The following USO1 variants were observed in gnomAD, a reference collection of about 807,000 sequenced individuals.
The protein encoded by USO1 is USO1 vesicle transport factor.
USO1 carries 57 observed loss-of-function variants against 124.5 expected under a neutral mutation model. The ratio of observed to expected loss-of-function variants is 0.46; its 90% CI spans 0.37 to 0.57. USO1 has a LOEUF of 0.57. Among genes scored for constraint, USO1 ranks in the 20% least tolerant of loss-of-function variants. The pLI is 0.00. For missense variants in USO1, 900 were observed against 1,040.6 expected (o/e 0.86, Z 1.86); for synonymous variants, 369 against 362.8 (o/e 1.02, Z -0.19).
Position 75,800,485 on chromosome 4 carries a change from A to G in USO1, c.1682+16A>G. 3.2e-6 allele frequency: 5 copies of G among 1,547,392 alleles called. No individual in the cohort carries two copies. Among genetic ancestry groups the G allele is most frequent in the East Asian group, 4.7e-5 (2 of 42,456 alleles). ...GCTACATGAAGTAAGTAAGGGGAAG[A>G]TGGTTTTCTAATGGCATCAAGAGAT... is the stretch of plus-strand genomic sequence containing the variant. On this transcript the variant is annotated intron_variant, in intron 15 of 23. Coordinates refer to ENST00000514213, the MANE Select transcript of USO1 (RefSeq NM_003715.4).
At chr4:75,758,538 G>A (rs1321821405) in intron 4 of USO1, among the ~76,000 whole-genome samples, 1 of 152,244 alleles carries the variant, frequency 6.6e-6, no homozygotes, top group East Asian at 1.9e-4. Flanking sequence ...ATCTGAAACT[G>A]GATCATGTTG....
At chr4:75,800,136 CAT>C (rs777693403) in intron 14 of USO1, among the ~76,000 whole-genome samples, 2 of 151,916 alleles carry the variant, frequency 1.3e-5, no homozygotes, top group Non-Finnish European at 2.9e-5. Context: ...TTAGTAGAGA[CAT>C]GTTGGCCAGG....
chr4:75,813,155 A>C, intron 23 of USO1, 51 bp from the exon 24 acceptor site: 2 of 1,560,206 alleles, frequency 1.3e-6, no homozygotes, highest in Non-Finnish European at 1.7e-6. Flanking sequence ...TTAAATGTTG[A>C]ATGTGACATG....
At position 75,813,781 on chromosome 4, in the gene USO1, A is replaced by G. The variant is rs1179151540; in HGVS notation, c.*486A>G. On this transcript the variant is annotated 3_prime_UTR_variant, in exon 24 of 24. Coordinates refer to ENST00000514213, the MANE Select transcript of USO1 (RefSeq NM_003715.4). ...CCTGGGTTGGGAGTTAGTGCATATC[A>G]TCAGCCCTCCATCTAATGTGATTGC... The G allele has an allele frequency of 1.3e-5, 2 of 152,608 alleles. No individual in the cohort carries two copies. The highest frequency in any genetic ancestry group is 2.4e-5 in the African/African-American group (1 of 41,422). The allele number at this position is 152,608 out of a possible 1,614,324, so 9.5% of individuals were successfully genotyped here.
At chr4:75,802,094 T>C (rs923312221) in intron 17 of USO1, among the ~76,000 whole-genome samples, 1 of 152,204 alleles carries the variant, frequency 6.6e-6, no homozygotes, top group Admixed American at 6.5e-5. Flanking sequence ...AATGCTGGGA[T>C]TATAGGCATA....
At chr4:75,754,498 G>T (rs1577938426) in intron 3 of USO1, among the ~76,000 whole-genome samples, 1 of 152,298 alleles carries the variant, frequency 6.6e-6, no homozygotes, top group East Asian at 1.9e-4. Flanking sequence ...GCTGTGCATT[G>T]TACATTTCTA....
At chr4:75,805,443 A>C in intron 19 of USO1, 140 bp downstream of exon 19, 1 of 1,261,628 alleles carries the variant, frequency 7.9e-7, no homozygotes, top group Non-Finnish European at 1.0e-6. Context: ...ACAGTGGCTT[A>C]CGCCTGTAAT....
chr4:75,790,112 T>C, intron 10 of USO1, 38 bp from the exon 11 acceptor site: 1 of 1,500,604 alleles, frequency 6.7e-7, no homozygotes, highest in Non-Finnish European at 8.9e-7. Flanking sequence ...CTTGACTTAA[T>C]TTCTCTAAAT....
chr4:75,807,505 A>G (rs1323463918), intron 20 of USO1, among the ~76,000 whole-genome samples: 1 of 152,160 alleles, frequency 6.6e-6, no homozygotes, highest in Non-Finnish European at 1.5e-5. Context: ...GAAATGACTG[A>G]ACATAGAGAA....
chr4:75,734,462 T>G (rs1720730045), intron 1 of USO1, among the ~76,000 whole-genome samples: 1 of 152,034 alleles, frequency 6.6e-6, no homozygotes, highest in Non-Finnish European at 1.5e-5. Flanking sequence ...GTGGCTTTAG[T>G]TTTGGGTTCT....
chr4:75,800,775 A>G lies in USO1; in HGVS notation c.1840A>G (p.Thr614Ala). The G allele has an allele frequency of 6.2e-7, 1 of 1,613,340 alleles. No homozygotes were observed. The highest frequency in any genetic ancestry group is 8.5e-7 in the Non-Finnish European group (1 of 1,179,636). Residue 614 changes from threonine (T) to alanine (A), a missense_variant, in exon 16 of 24, where the codon ACG becomes GCG. Around this residue, in one of 2 missense-constraint regions of USO1, gnomAD observed 538 missense variants for 681.6 expected, o/e 0.79. Transcript: ENST00000514213. Reference protein sequence around the residue: ...PEYMIFDHEFTKLVKELEGVI... With the variant: ...PEYMIFDHEFAKLVKELEGVI... ...ATACATGATATTTGATCATGAGTTTACGAAGCTGGTAAAAGAACTTGAAGG... is the reference window on the plus strand; with the variant it reads ...ATACATGATATTTGATCATGAGTTTGCGAAGCTGGTAAAAGAACTTGAAGG...
At chr4:75,776,703 T>C (rs1314372500) in intron 8 of USO1, among the ~76,000 whole-genome samples, 5 of 152,280 alleles carry the variant, frequency 3.3e-5, no homozygotes, top group Non-Finnish European at 7.4e-5. Flanking sequence ...ATGGTCCTAA[T>C]GGCAGACCAT....
intron 17 of USO1, among the ~76,000 whole-genome samples, chr4:75,803,348 A>C (rs1358806186): frequency 6.6e-6 from 1 of 151,858 alleles, no homozygotes; most frequent in African/African-American, 2.4e-5. Context: ...AAGAAAATAA[A>C]GAAATACATA....
chr4:75,799,687 C>T lies in USO1; in HGVS notation c.1518C>T (p.Pro506=), dbSNP rs762794060. 6.2e-7 allele frequency: 1 copy of T among 1,613,752 alleles called. No homozygotes were observed. Among genetic ancestry groups the T allele is most frequent in the South Asian group, 1.1e-5 (1 of 91,076 alleles). ...MLLCTWLSNC[P]IAVTHFLHNS... ...TTTGTACCTGGCTAAGCAATTGTCC[C>T]ATTGCAGTAACGCATTTTCTTCACA... Residue 506 remains proline (P), a synonymous_variant, in exon 14 of 24, where the codon CCC becomes CCT. Transcript: ENST00000514213.
intron 4 of USO1, among the ~76,000 whole-genome samples, chr4:75,765,229 A>G (rs1289832262): frequency 6.6e-6 from 1 of 152,324 alleles, no homozygotes; most frequent in African/African-American, 2.4e-5. Flanking sequence ...TGTCTTTTGA[A>G]CATAGATTTC....
In USO1 at chr4:75,810,663, A is replaced by G. The variant is rs992225447; in HGVS notation, c.2583+124A>G. 8 of 1,172,616 alleles carry G rather than the reference A, an allele frequency of 6.8e-6. No individual in the cohort carries two copies. In the East Asian group the frequency reaches 1.9e-4, roughly 28 times the overall value. The allele number at this position is 1,172,616 out of a possible 1,614,324, so 72.6% of individuals were successfully genotyped here. ...TAATGATGTGTAATTTTATCTCACA[A>G]CATTTTCACTCCTATATTGATGATT... On this transcript the variant is annotated intron_variant, in intron 22 of 23. Transcript: ENST00000514213.
chr4:75,786,273 A>G (rs1722358008), intron 9 of USO1, among the ~76,000 whole-genome samples: 1 of 152,128 alleles, frequency 6.6e-6, no homozygotes, highest in South Asian at 2.1e-4. Context: ...CTCTTAAATC[A>G]TTGATTACTT....
At chr4:75,760,665 A>C (rs1342137767) in intron 4 of USO1, 1 of 396,998 alleles carries the variant, frequency 2.5e-6, no homozygotes, top group East Asian at 3.6e-5. Flanking sequence ...ATAATATAAA[A>C]GGACACTGTC....
rs74585270 is a variant in USO1 at position 75,724,709 on chromosome 4, C to A, written c.-111C>A. ...GCCGAGTTGGAGGCGGTGGTGGCAG[C>A]AGTAGGAGTGTGTAGAGTGCGGGAT... On this transcript the variant is annotated 5_prime_UTR_variant, in exon 1 of 24. Coordinates refer to ENST00000514213, the MANE Select transcript of USO1 (RefSeq NM_003715.4). 1.6e-3 allele frequency: 1,754 copies of A among 1,095,348 alleles called. 18 individuals carry two copies. The African/African-American group carries it at 0.018, about 11-fold the overall frequency. 67.9% of individuals were successfully genotyped at this position (1,095,348 alleles called of 1,614,324 possible).
Sources: gnomAD v4.1 joint callset for allele counts (sites outside exome capture counted in the v4.1 genomes callset) on GRCh38, gnomAD v4.1.1 for gene constraint, gnomAD v4.1.1 regional missense constraint, MANE v1.5 for transcripts, NCBI Gene and HGNC (gene_info 2026-07-23, HGNC 2026-07-21) for gene names.